The following FYN variants were observed in gnomAD, a reference collection of about 807,000 sequenced individuals.
FYN encodes the protein FYN proto-oncogene, Src family tyrosine kinase, also known as tyrosine-protein kinase Fyn.
A neutral mutation model predicts 70.2 loss-of-function variants in FYN; 10 were observed. The ratio of observed to expected loss-of-function variants is 0.14; its 90% confidence interval spans 0.09 to 0.24. The LOEUF (loss-of-function observed/expected upper bound fraction) is 0.24. FYN is among the 10% of genes least tolerant of loss of function. The pLI is 1.00. For synonymous variants in FYN, 236 were observed against 248.6 expected (o/e 0.95, Z 0.48); for missense variants, 319 against 673.1 (o/e 0.47, Z 5.82).
chr6:111,763,062 C>G (rs73544120), intron 3 of FYN, among the ~76,000 whole-genome samples: 19 of 152,294 alleles, frequency 1.2e-4, no homozygotes, highest in Admixed American at 2.6e-4. Flanking sequence ...TTCAACTCTT[C>G]AGGCAAAGCT....
At chr6:111,698,191 TGGTGC>T (rs1458846975) in intron 9 of FYN, among the ~76,000 whole-genome samples, 3 of 152,038 alleles carry the variant, frequency 2.0e-5, no homozygotes, top group Non-Finnish European at 2.9e-5. Context: ...AATGGTGCAA[TGGTGC>T]GATCTCCGCT....
intron 3 of FYN, among the ~76,000 whole-genome samples, chr6:111,751,493 C>G (rs1190402885): frequency 2.0e-5 from 3 of 152,058 alleles, no homozygotes; most frequent in Non-Finnish European, 4.4e-5. Context: ...CACAGTATAA[C>G]TACAGCATAC....
chr6:111,788,092 C>T (rs1771467109), intron 2 of FYN, among the ~76,000 whole-genome samples: 1 of 152,190 alleles, frequency 6.6e-6, no homozygotes. Context: ...ACAGAACCAA[C>T]CTGTCCCTCA....
At chr6:111,853,357 CT>C (rs5879129) in intron 1 of FYN, among the ~76,000 whole-genome samples, 104 of 145,512 alleles carry the variant, frequency 7.1e-4, no homozygotes, top group East Asian at 1.4e-3. Context: ...CAAGACACTC[CT>C]TTTTTTTTTT....
At chr6:111,746,426 T>C (rs192906468) in intron 3 of FYN, among the ~76,000 whole-genome samples, 5 of 152,358 alleles carry the variant, frequency 3.3e-5, no homozygotes, top group African/African-American at 1.2e-4. Flanking sequence ...TCATACAGTA[T>C]GTATTCTTTG....
chr6:111,870,953 CT>C (rs111270549), intron 1 of FYN, among the ~76,000 whole-genome samples: 246 of 152,202 alleles, frequency 1.6e-3, no homozygotes, highest in African/African-American at 5.7e-3. Flanking sequence ...AACCCTATTG[CT>C]TTTTTTATCG....
At position 111,661,016 on chromosome 6, in the gene FYN, G is replaced by A. The variant is rs2128394883; in HGVS notation, c.*723C>T. On this transcript the variant is annotated 3_prime_UTR_variant, in exon 14 of 14. Coordinates refer to ENST00000354650, the MANE Select transcript of FYN (RefSeq NM_002037.5). The surrounding 1 kb of genome is among the most constrained non-coding windows in gnomAD (Gnocchi z 4.0). Reference sequence around the variant, plus strand: ...GAGTCAAAGTAACAACCACCTACAGGTACAGTCATGAACCAGGAAAGTGCA... The same window carrying A: ...GAGTCAAAGTAACAACCACCTACAGATACAGTCATGAACCAGGAAAGTGCA... 6.6e-6 allele frequency: 1 copy of A among 152,212 alleles called. No individual in the cohort carries two copies. The highest frequency in any genetic ancestry group is 2.1e-4 in the South Asian group (1 of 4,828). 9.4% of individuals were successfully genotyped at this position (152,212 alleles called of 1,614,324 possible). A position where few individuals can be genotyped will look rare whatever the true frequency, so the allele number is the denominator to read the frequency against.
At chr6:111,747,761 C>A (rs72942119) in intron 3 of FYN, among the ~76,000 whole-genome samples, 3,488 of 152,290 alleles carry the variant, frequency 0.023, 74 homozygotes, top group African/African-American at 0.05. Context: ...AGCTGGCAGG[C>A]TTCCTTTCCA....
chr6:111,744,774 T>A (rs1387184624), intron 3 of FYN, among the ~76,000 whole-genome samples: 1 of 152,218 alleles, frequency 6.6e-6, no homozygotes. Flanking sequence ...CAAAGGTATT[T>A]AGAAAATTTT....
At chr6:111,808,677 C>T (rs756508105) in intron 2 of FYN, among the ~76,000 whole-genome samples, 8 of 152,132 alleles carry the variant, frequency 5.3e-5, no homozygotes, top group Non-Finnish European at 1.0e-4. Context: ...ATGACGAAGA[C>T]GCCAGGTGCA....
chr6:111,844,189 TATTA>T (rs1253456472), intron 2 of FYN, among the ~76,000 whole-genome samples: 6 of 152,218 alleles, frequency 3.9e-5, no homozygotes, highest in Admixed American at 3.3e-4. Context: ...AAACCATAGA[TATTA>T]ATTAATACAG....
intron 3 of FYN, among the ~76,000 whole-genome samples, chr6:111,765,079 C>T (rs1023319931): frequency 1.3e-5 from 2 of 152,116 alleles, no homozygotes; most frequent in Non-Finnish European, 2.9e-5. Flanking sequence ...AGGCCATTTG[C>T]TATCCTGTGG....
At chr6:111,725,470 G>A (rs2128466387) in intron 3 of FYN, among the ~76,000 whole-genome samples, 1 of 152,294 alleles carries the variant, frequency 6.6e-6, no homozygotes, top group Non-Finnish European at 1.5e-5. Flanking sequence ...GGACAGACGG[G>A]ACAGAAGGGC....
At chr6:111,763,095 A>G (rs1803074261) in intron 3 of FYN, among the ~76,000 whole-genome samples, 1 of 152,178 alleles carries the variant, frequency 6.6e-6, no homozygotes, top group Non-Finnish European at 1.5e-5. Context: ...CCGATTGTCA[A>G]TCTGGAAATA....
intron 2 of FYN, chr6:111,844,925 A>G (rs1773475938): frequency 6.6e-6 from 1 of 152,280 alleles, no homozygotes; most frequent in Non-Finnish European, 1.5e-5. Context: ...GAAAGGGACC[A>G]CTTTACTGAT....
At chr6:111,701,325 T>C (rs957291901) in intron 8 of FYN, among the ~76,000 whole-genome samples, 2 of 152,208 alleles carry the variant, frequency 1.3e-5, no homozygotes, top group Admixed American at 6.5e-5. Flanking sequence ...GAGCCTGCCT[T>C]GTGAGGTGGA....
intron 2 of FYN, among the ~76,000 whole-genome samples, chr6:111,804,076 T>C (rs937269990): frequency 2.0e-5 from 3 of 152,330 alleles, no homozygotes; most frequent in African/African-American, 4.8e-5. Flanking sequence ...AGTCTTCTTA[T>C]GCTGAAACCC....
At chr6:111,761,891 A>G (rs1462930730) in intron 3 of FYN, among the ~76,000 whole-genome samples, 6 of 152,310 alleles carry the variant, frequency 3.9e-5, no homozygotes, top group South Asian at 4.1e-4. Context: ...TCTGCATCCA[A>G]TCATCATTCC....
At chr6:111,805,547 A>C (rs750448770) in intron 2 of FYN, among the ~76,000 whole-genome samples, 1 of 152,146 alleles carries the variant, frequency 6.6e-6, no homozygotes, top group Non-Finnish European at 1.5e-5. Flanking sequence ...ACAAGGGTCC[A>C]TGTGGTTCAG....
Sources: gnomAD v4.1 joint callset for allele counts (sites outside exome capture counted in the v4.1 genomes callset) on GRCh38, gnomAD v4.1.1 for gene constraint, Gnocchi (gnomAD v3.1) non-coding constraint, MANE v1.5 for transcripts, NCBI Gene and HGNC (gene_info 2026-07-23, HGNC 2026-07-21) for gene names.